FRMD5: variants seen among roughly 807,000 people sequenced by gnomAD.
The protein encoded by FRMD5 is FERM domain-containing protein 5.
A neutral mutation model predicts 69.0 loss-of-function variants in FRMD5; 20 were observed. The observed-to-expected ratio is 0.29, with a 90% confidence interval of 0.20 to 0.42. FRMD5 has a LOEUF of 0.42. FRMD5 is among the 10% of genes least tolerant of loss of function. FRMD5 has a pLI of 1.00. For synonymous variants in FRMD5, 271 were observed against 260.1 expected (o/e 1.04, Z -0.40); for missense variants, 595 against 708.6 (o/e 0.84, Z 1.82).
At chr15:44,096,242 T>C (rs193294968) in intron 1 of FRMD5, among the ~76,000 whole-genome samples, 44 of 145,106 alleles carry the variant, frequency 3.0e-4, no homozygotes, top group Admixed American at 8.2e-4. Context: ...GTAAATTAAA[T>C]TATGTCCATC....
chr15:44,093,634 G>A (rs527390072), intron 1 of FRMD5, among the ~76,000 whole-genome samples: 4 of 150,678 alleles, frequency 2.7e-5, no homozygotes, highest in East Asian at 3.9e-4. Flanking sequence ...GTGCAGTGGC[G>A]CCGTCTCAGC....
intron 1 of FRMD5, among the ~76,000 whole-genome samples, chr15:44,091,986 T>C (rs143109515): frequency 9.5e-4 from 144 of 152,262 alleles, no homozygotes; most frequent in African/African-American, 3.4e-3. Context: ...TATGACGACA[T>C]GGGATGCAAG....
At chr15:44,091,368 GCA>G (rs143021975) in intron 1 of FRMD5, among the ~76,000 whole-genome samples, 2 of 151,258 alleles carry the variant, frequency 1.3e-5, no homozygotes, top group East Asian at 1.9e-4. Flanking sequence ...ACACGCACAT[GCA>G]CACACACACA....
chr15:43,918,282 GC>G (rs2089430786), intron 4 of FRMD5, among the ~76,000 whole-genome samples: 1 of 152,260 alleles, frequency 6.6e-6, no homozygotes, highest in South Asian at 2.1e-4. Flanking sequence ...AAATTAGCCA[GC>G]CGTGGTGGCA....
chr15:44,126,791 C>T (rs2077030154), intron 1 of FRMD5, among the ~76,000 whole-genome samples: 1 of 152,134 alleles, frequency 6.6e-6, no homozygotes, highest in Admixed American at 6.5e-5. Flanking sequence ...ACCAATCTTC[C>T]AACCTGTCAT....
intron 1 of FRMD5, among the ~76,000 whole-genome samples, chr15:44,190,994 T>A (rs981814981): frequency 1.7e-4 from 26 of 152,234 alleles, no homozygotes; most frequent in East Asian, 1.9e-4. Flanking sequence ...ACTAAGTGGT[T>A]GAGCCACAAT....
intron 1 of FRMD5, among the ~76,000 whole-genome samples, chr15:44,188,026 T>C (rs950818289): frequency 3.3e-5 from 5 of 152,240 alleles, no homozygotes; most frequent in African/African-American, 4.8e-5. Context: ...TGATGCTTTA[T>C]AGTTTGTTAT....
intron 1 of FRMD5, among the ~76,000 whole-genome samples, chr15:43,974,471 A>G (rs1371647044): frequency 6.6e-6 from 1 of 152,086 alleles, no homozygotes; most frequent in Non-Finnish European, 1.5e-5. Context: ...CTTGCTTTTT[A>G]TGCCTTAGGA....
At chr15:43,949,224 C>T (rs1185284851) in intron 1 of FRMD5, among the ~76,000 whole-genome samples, 2 of 152,322 alleles carry the variant, frequency 1.3e-5, no homozygotes, top group African/African-American at 4.8e-5. Context: ...TGCAAGGTTC[C>T]CTGACATCCC....
intron 1 of FRMD5, among the ~76,000 whole-genome samples, chr15:44,015,019 A>T (rs1370879616): frequency 1.3e-5 from 2 of 152,106 alleles, no homozygotes; most frequent in Non-Finnish European, 2.9e-5. Context: ...ATCATATGTG[A>T]TCCCTGTTTT....
intron 4 of FRMD5, among the ~76,000 whole-genome samples, chr15:43,915,971 GA>G (rs2089379392): frequency 6.6e-6 from 1 of 152,184 alleles, no homozygotes; most frequent in African/African-American, 2.4e-5. Flanking sequence ...TGAATGAGGA[GA>G]AAAATGCAGC....
At chr15:44,009,065 C>T (rs955981580) in intron 1 of FRMD5, among the ~76,000 whole-genome samples, 22 of 152,128 alleles carry the variant, frequency 1.4e-4, no homozygotes, top group African/African-American at 5.3e-4. Flanking sequence ...AGCTTCCCGA[C>T]GACAGGAACC....
At chr15:43,988,282 G>T (rs983688599) in intron 1 of FRMD5, among the ~76,000 whole-genome samples, 1 of 151,708 alleles carries the variant, frequency 6.6e-6, no homozygotes, top group African/African-American at 2.4e-5. Context: ...ACAGAGCAAG[G>T]TCTCCAGAAT....
At chr15:44,124,313 C>T (rs1422443506) in intron 1 of FRMD5, among the ~76,000 whole-genome samples, 1 of 150,948 alleles carries the variant, frequency 6.6e-6, no homozygotes, top group Non-Finnish European at 1.5e-5. Context: ...AATAATTCCA[C>T]CTGGTATTAC....
chr15:44,014,258 G>A (rs1391282307), intron 1 of FRMD5, among the ~76,000 whole-genome samples: 1 of 152,104 alleles, frequency 6.6e-6, no homozygotes, highest in Non-Finnish European at 1.5e-5. Context: ...GAGGAAAGGA[G>A]TCTTTCTGTG....
At chr15:44,138,373 T>G (rs1230509338) in intron 1 of FRMD5, among the ~76,000 whole-genome samples, 1 of 152,144 alleles carries the variant, frequency 6.6e-6, no homozygotes, top group East Asian at 1.9e-4. Flanking sequence ...CTAGACATAT[T>G]ATAGTGAAAC....
At chr15:44,000,610 C>T (rs113807805) in intron 1 of FRMD5, among the ~76,000 whole-genome samples, 2,185 of 152,160 alleles carry the variant, frequency 0.014, 30 homozygotes, top group Non-Finnish European at 0.022. Flanking sequence ...TAGGCAAGTG[C>T]CACCACACCC....
chr15:43,950,782 T>G (rs2090014426), intron 1 of FRMD5, among the ~76,000 whole-genome samples: 1 of 152,194 alleles, frequency 6.6e-6, no homozygotes, highest in South Asian at 2.1e-4. Flanking sequence ...TCCAGCTGCC[T>G]TGCTCAGTGC....
intron 1 of FRMD5, among the ~76,000 whole-genome samples, chr15:44,126,254 C>T (rs949881426): frequency 1.3e-5 from 2 of 152,210 alleles, no homozygotes; most frequent in African/African-American, 4.8e-5. Flanking sequence ...CAACTGACAG[C>T]TTTGAAATCC....
Sources: gnomAD v4.1 joint callset for allele counts (sites outside exome capture counted in the v4.1 genomes callset) on GRCh38, gnomAD v4.1.1 for gene constraint, MANE v1.5 for transcripts, NCBI Gene and HGNC (gene_info 2026-07-23, HGNC 2026-07-21) for gene names.